The following NECTIN3 variants were observed in gnomAD, a reference collection of about 807,000 sequenced individuals.
NECTIN3 encodes the protein nectin cell adhesion molecule 3.
NECTIN3 carries 8 observed loss-of-function variants against 49.4 expected under a neutral mutation model. The ratio of observed to expected loss-of-function variants is 0.16; its 90% CI spans 0.10 to 0.29. The LOEUF (loss-of-function observed/expected upper bound fraction) is 0.29, where lower values mean the gene tolerates loss of function less well. Ranked by LOEUF, NECTIN3 falls within the 10% of genes least tolerant of loss-of-function variation. NECTIN3 has a pLI of 1.00. For synonymous variants in NECTIN3, 277 were observed against 241.1 expected, an observed-to-expected ratio of 1.15 and a Z score of -1.38; for missense variants, 581 against 654.6, an observed-to-expected ratio of 0.89 and a Z score of 1.23.
intron 7 of NECTIN3, among the ~76,000 whole-genome samples, chr3:111,168,053 G>A (rs1380204311): frequency 6.6e-6 from 1 of 152,080 alleles, no homozygotes; most frequent in Non-Finnish European, 1.5e-5. Flanking sequence ...GCTCCAAAAA[G>A]CATTTTCTTT....
intron 4 of NECTIN3, among the ~76,000 whole-genome samples, chr3:111,125,724 A>G (rs2034138977): frequency 6.6e-6 from 1 of 152,186 alleles, no homozygotes; most frequent in African/African-American, 2.4e-5. Flanking sequence ...ATGCTCTATA[A>G]ATATGTTATA....
At chr3:111,155,127 G>A (rs1282011615) in intron 7 of NECTIN3, among the ~76,000 whole-genome samples, 2 of 152,060 alleles carry the variant, frequency 1.3e-5, no homozygotes, top group African/African-American at 2.4e-5. Context: ...TAGGAGAGAC[G>A]GGGTTTCACC....
intron 7 of NECTIN3, among the ~76,000 whole-genome samples, chr3:111,167,629 G>T (rs2035344243): frequency 6.6e-6 from 1 of 152,156 alleles, no homozygotes; most frequent in Non-Finnish European, 1.5e-5. Flanking sequence ...AATTCTGTGA[G>T]TTATGGGAAA....
intron 7 of NECTIN3, among the ~76,000 whole-genome samples, chr3:111,150,618 A>G (rs759830176): frequency 6.6e-6 from 1 of 151,942 alleles, no homozygotes; most frequent in Non-Finnish European, 1.5e-5. Context: ...TACCACTTGT[A>G]ACATTTTAGT....
intron 5 of NECTIN3, among the ~76,000 whole-genome samples, chr3:111,130,641 C>G (rs1354010990): frequency 6.6e-6 from 1 of 152,064 alleles, no homozygotes; most frequent in Non-Finnish European, 1.5e-5. Context: ...ACAGAATAAG[C>G]AACTCTGAGG....
intron 2 of NECTIN3, among the ~76,000 whole-genome samples, chr3:111,117,786 A>G (rs543612905): frequency 5.9e-5 from 9 of 152,210 alleles, no homozygotes; most frequent in African/African-American, 1.9e-4. Context: ...GTACTGAGGA[A>G]TTACACAGAA....
chr3:111,109,998 CAATA>C (rs1260331482), intron 1 of NECTIN3, among the ~76,000 whole-genome samples: 5 of 151,928 alleles, frequency 3.3e-5, no homozygotes, highest in African/African-American at 1.2e-4. Context: ...CCCTTTTCTG[CAATA>C]AATCTGTAAA....
At chr3:111,089,768 G>A (rs908998379) in intron 1 of NECTIN3, among the ~76,000 whole-genome samples, 1 of 152,030 alleles carries the variant, frequency 6.6e-6, no homozygotes, top group Non-Finnish European at 1.5e-5. Context: ...ATGTGTATAT[G>A]AGTTAGATCG....
intron 1 of NECTIN3, among the ~76,000 whole-genome samples, chr3:111,088,908 C>T (rs944377461): frequency 7.2e-5 from 11 of 151,780 alleles, no homozygotes; most frequent in Non-Finnish European, 1.3e-4. Context: ...ATAATTTTTT[C>T]TTTGTTTTGC....
chr3:111,134,139 A>G lies in NECTIN3; in HGVS notation c.1574A>G (p.His525Arg). 1.2e-6 allele frequency: 2 copies of G among 1,612,752 alleles called. No homozygotes were observed. The highest frequency in any genetic ancestry group is 2.2e-5 in the East Asian group (1 of 44,838). ...KMGMKFVSDE[H>R]YDENEDDLVS... ...GGAATGAAGTTTGTCAGTGATGAAC[A>G]TTATGATGAAAACGAAGATGACTTA... The change falls in exon 6 of 6, where the codon CAT becomes CGT. Residue 525 changes from histidine to arginine, a missense_variant. This residue lies in a region of NECTIN3 where 238 missense variants were observed against 244.9 expected (regional missense o/e 0.97). Coordinates refer to ENST00000485303, the MANE Select transcript of NECTIN3 (RefSeq NM_015480.3).
At position 111,122,101 on chromosome 3, in the gene NECTIN3, G is replaced by A. The variant is rs760571600; in HGVS notation, c.800-20G>A. The stretch of plus-strand genomic sequence containing the variant: ...TCATTAACAAAAGGTAATCTGTCCT[G>A]TCATGCATTTATTTTATAGATGCTC... On this transcript the variant is annotated intron_variant, in intron 3 of 5. Coordinates refer to ENST00000485303, the MANE Select transcript of NECTIN3 (RefSeq NM_015480.3). 1.5e-5 allele frequency: 22 copies of A among 1,453,324 alleles called. 1 individual carries two copies. Among genetic ancestry groups the A allele is most frequent in the East Asian group, 4.5e-5 (2 of 44,020 alleles). The allele number at this position is 1,453,324 out of a possible 1,614,324, so 90.0% of individuals were successfully genotyped here. A position where few individuals can be genotyped will look rare whatever the true frequency, so the allele number is the denominator to read the frequency against.
chr3:111,146,421 G>A (rs1436319692), intron 6 of NECTIN3, among the ~76,000 whole-genome samples: 4 of 140,974 alleles, frequency 2.8e-5, no homozygotes, highest in Admixed American at 1.4e-4. Flanking sequence ...GCGACAGAGC[G>A]AGACTCCGTC....
chr3:111,145,957 G>T (rs2034863486), intron 6 of NECTIN3, among the ~76,000 whole-genome samples: 1 of 152,090 alleles, frequency 6.6e-6, no homozygotes, highest in Admixed American at 6.5e-5. Context: ...TTAGTACTAT[G>T]ACCATGAACA....
intron 1 of NECTIN3, among the ~76,000 whole-genome samples, chr3:111,096,775 A>G (rs2032610502): frequency 6.6e-6 from 1 of 152,236 alleles, no homozygotes; most frequent in South Asian, 2.1e-4. Flanking sequence ...GCGGGTGCAC[A>G]GAGGTCAAGA....
At chr3:111,116,158 ATTAT>A (rs1486832326) in intron 2 of NECTIN3, among the ~76,000 whole-genome samples, 2 of 152,116 alleles carry the variant, frequency 1.3e-5, no homozygotes, top group Admixed American at 1.3e-4. Context: ...CCCAGGGCTG[ATTAT>A]TTATTTAAAG....
At chr3:111,101,312 T>G (rs2032894008) in intron 1 of NECTIN3, among the ~76,000 whole-genome samples, 1 of 152,132 alleles carries the variant, frequency 6.6e-6, no homozygotes, top group South Asian at 2.1e-4. Context: ...AACCCCATTT[T>G]AGAAAGAACA....
intron 6 of NECTIN3, chr3:111,145,148 T>C: frequency 8.2e-7 from 1 of 1,219,754 alleles, no homozygotes; most frequent in Non-Finnish European, 1.1e-6. Context: ...GTAAGGATAA[T>C]GTTAGGCCTT....
Position 111,193,267 on chromosome 3 carries a change from A to C in NECTIN3, c.63+854A>C, listed in dbSNP as rs898061954. On this transcript the variant is annotated intron_variant, in intron 1 of 1. Transcript: ENST00000485506. ...CCAGTTGGGGAAGATGGCATTCAGC[A>C]GATGTACCCCCTTTACAATCAAATG... 1.0e-5 allele frequency: 16 copies of C among 1,535,672 alleles called. No individual in the cohort carries two copies. The Admixed American group carries it at 2.4e-4, about 23-fold the overall frequency.
rs2034504059 is a variant in NECTIN3, at chr3:111,134,382, G to A, written c.*167G>A. Reference sequence around the variant, plus strand: ...AATGAAAATGTAAAATCTGAGTTCAGTGTATCTAAGCTGCTTTACAATTTT... The same window carrying A: ...AATGAAAATGTAAAATCTGAGTTCAATGTATCTAAGCTGCTTTACAATTTT... On this transcript the variant is annotated 3_prime_UTR_variant, in exon 6 of 6. Transcript: ENST00000485303. The A allele has an allele frequency of 2.9e-6, 4 of 1,380,152 alleles. No homozygotes were observed. The highest frequency in any genetic ancestry group is 1.5e-5 in the African/African-American group (1 of 68,092). The allele number at this position is 1,380,152 out of a possible 1,614,324, so 85.5% of individuals were successfully genotyped here. A position where few individuals can be genotyped will look rare whatever the true frequency, so the allele number is the denominator to read the frequency against.
Sources: allele counts gnomAD v4.1 joint callset (sites outside exome capture counted in the v4.1 genomes callset), GRCh38; gene constraint gnomAD v4.1.1; regional missense constraint gnomAD v4.1.1; transcripts MANE v1.5; gene names NCBI Gene and HGNC (gene_info 2026-07-23, HGNC 2026-07-21).